The following ARHGAP42 variants were observed in gnomAD, a reference collection of about 807,000 sequenced individuals.
ARHGAP42 encodes Rho GTPase activating protein 42.
In ARHGAP42, 63 loss-of-function variants were observed where a neutral mutation model predicts 125.0. The observed-to-expected ratio is 0.50, with a 90% CI of 0.41 to 0.62. ARHGAP42 has a LOEUF of 0.62. Ranked by LOEUF, ARHGAP42 falls within the 20% of genes least tolerant of loss-of-function variation. The probability of loss-of-function intolerance (pLI) is 0.00; values close to 1 mark genes in which losing one functional copy is unlikely to be tolerated. For missense variants in ARHGAP42, 766 were observed against 1,024.2 expected (o/e 0.75, Z 3.44); for synonymous variants, 339 against 351.0 (o/e 0.97, Z 0.38).
chr11:100,974,431 G>A, intron 18 of ARHGAP42, 28 bp from the exon 19 acceptor site: 6 of 1,543,232 alleles, frequency 3.9e-6, no homozygotes, highest in Non-Finnish European at 5.2e-6. Flanking sequence ...CCCTTTTATT[G>A]ACCTTGGTCC....
intron 4 of ARHGAP42, among the ~76,000 whole-genome samples, chr11:100,872,602 A>C (rs1260455553): frequency 6.6e-6 from 1 of 152,126 alleles, no homozygotes; most frequent in Non-Finnish European, 1.5e-5. Flanking sequence ...CATGTTGGCC[A>C]GGCTGGTCTG....
chr11:100,968,037 T>C (rs2135309264), intron 17 of ARHGAP42, among the ~76,000 whole-genome samples: 1 of 152,310 alleles, frequency 6.6e-6, no homozygotes, highest in East Asian at 1.9e-4. Flanking sequence ...GATCCTTTTG[T>C]CATTATATTT....
rs777551663 is a variant in ARHGAP42 at position 100,992,443 on chromosome 11, A to G, written c.*3642A>G. On this transcript the variant is annotated 3_prime_UTR_variant, in exon 24 of 24. Coordinates refer to ENST00000298815, the MANE Select transcript of ARHGAP42 (RefSeq NM_152432.4). Reference sequence around the variant, plus strand: ...GTTTCCCCTTAGGGTACACATTGCTATTTAACTTTGCCTCCTACCCTTTTT... The same window carrying G: ...GTTTCCCCTTAGGGTACACATTGCTGTTTAACTTTGCCTCCTACCCTTTTT... 3 of 1,613,966 alleles carry G rather than the reference A, an allele frequency of 1.9e-6. No homozygotes were observed. In the South Asian group the frequency reaches 3.3e-5, roughly 18 times the overall value.
At chr11:100,830,576 G>A (rs1010014819) in intron 3 of ARHGAP42, among the ~76,000 whole-genome samples, 41 of 152,268 alleles carry the variant, frequency 2.7e-4, no homozygotes, top group African/African-American at 8.7e-4. Context: ...AGATCCTCAG[G>A]TGTTTCTTGT....
In ARHGAP42 at chr11:100,943,846, T is replaced by C; in HGVS notation, c.1021T>C (p.Phe341Leu). The C allele has an allele frequency of 6.5e-7, 1 of 1,548,370 alleles. No homozygotes were observed. The highest frequency in any genetic ancestry group is 8.7e-7 in the Non-Finnish European group (1 of 1,144,734). Residue 341 changes from phenylalanine (F) to leucine (L), a missense_variant, in exon 10 of 24, where the codon TTT becomes CTT. Coordinates refer to ENST00000298815, the MANE Select transcript of ARHGAP42 (RefSeq NM_152432.4). ...AGATTCAATTGACAAACGATTCTGC[T>C]TTGACATAGAAGTAGTTGAAAGGTT... ...KTDSIDKRFC[F>L]DIEVVERHGI...
chr11:100,709,344 T>G (rs1174328412), intron 1 of ARHGAP42, among the ~76,000 whole-genome samples: 1 of 152,202 alleles, frequency 6.6e-6, no homozygotes, highest in Non-Finnish European at 1.5e-5. Context: ...CCCTGTACTA[T>G]ACTCAGCTTT....
At chr11:100,811,605 T>A (rs1864144775) in intron 3 of ARHGAP42, among the ~76,000 whole-genome samples, 1 of 151,916 alleles carries the variant, frequency 6.6e-6, no homozygotes, top group South Asian at 2.1e-4. Context: ...GCTCAAGTGA[T>A]TCTTCTGCCT....
chr11:100,818,621 T>G (rs1438341860), intron 3 of ARHGAP42, among the ~76,000 whole-genome samples: 1 of 152,034 alleles, frequency 6.6e-6, no homozygotes, highest in South Asian at 2.1e-4. Context: ...GGAGTGAATA[T>G]TGGAGAATAT....
intron 2 of ARHGAP42, among the ~76,000 whole-genome samples, chr11:100,773,279 CTT>C (rs999768998): frequency 1.3e-5 from 2 of 152,044 alleles, no homozygotes; most frequent in African/African-American, 2.4e-5. Flanking sequence ...CATAATTTTC[CTT>C]ATAAACTTTA....
chr11:100,843,224 G>A (rs949489551), intron 3 of ARHGAP42, among the ~76,000 whole-genome samples: 13 of 151,936 alleles, frequency 8.6e-5, no homozygotes, highest in Non-Finnish European at 1.6e-4. Flanking sequence ...AGAGGAAATG[G>A]ATAAATACCT....
intron 4 of ARHGAP42, among the ~76,000 whole-genome samples, chr11:100,884,080 A>G (rs1242311192): frequency 6.6e-6 from 1 of 152,126 alleles, no homozygotes; most frequent in Non-Finnish European, 1.5e-5. Flanking sequence ...TCCCCCACTC[A>G]TTCTTTTCAT....
intron 1 of ARHGAP42, among the ~76,000 whole-genome samples, chr11:100,724,140 T>A (rs1421666285): frequency 5.3e-5 from 8 of 152,200 alleles, no homozygotes; most frequent in Admixed American, 5.2e-4. Flanking sequence ...GATTTTAGAA[T>A]GTTCTGTCAG....
intron 1 of ARHGAP42, among the ~76,000 whole-genome samples, chr11:100,748,396 T>A (rs1163217676): frequency 6.6e-6 from 1 of 152,162 alleles, no homozygotes. Context: ...CTGAAGGGAG[T>A]TCCTCGTAGG....
At chr11:100,828,561 T>C (rs2135089531) in intron 3 of ARHGAP42, among the ~76,000 whole-genome samples, 1 of 152,230 alleles carries the variant, frequency 6.6e-6, no homozygotes, top group East Asian at 1.9e-4. Flanking sequence ...CCATTATAAA[T>C]AGGCATGCAT....
intron 5 of ARHGAP42, among the ~76,000 whole-genome samples, chr11:100,916,067 TGA>T (rs1867054422): frequency 6.6e-6 from 1 of 152,178 alleles, no homozygotes; most frequent in Admixed American, 6.5e-5. Context: ...ATTTTGTTCA[TGA>T]AAAATAAGTG....
At chr11:100,898,861 T>A (rs1363203212) in intron 4 of ARHGAP42, among the ~76,000 whole-genome samples, 1 of 152,178 alleles carries the variant, frequency 6.6e-6, no homozygotes, top group East Asian at 1.9e-4. Context: ...GCTCTGATCT[T>A]AGTTATTTCT....
intron 1 of ARHGAP42, among the ~76,000 whole-genome samples, chr11:100,733,304 A>T (rs1861992958): frequency 6.6e-6 from 1 of 152,260 alleles, no homozygotes; most frequent in Non-Finnish European, 1.5e-5. Flanking sequence ...GGCCCTTGGC[A>T]AAATGCTTAG....
intron 12 of ARHGAP42, among the ~76,000 whole-genome samples, chr11:100,952,261 A>C (rs978978607): frequency 6.6e-6 from 1 of 152,228 alleles, no homozygotes; most frequent in South Asian, 2.1e-4. Context: ...TAATTAGTAA[A>C]GTTTCCTTAA....
chr11:100,717,331 T>A (rs2120257924), intron 1 of ARHGAP42, among the ~76,000 whole-genome samples: 1 of 151,932 alleles, frequency 6.6e-6, no homozygotes, highest in East Asian at 1.9e-4. Flanking sequence ...AGAAAAAAAA[T>A]TGAGTAAAAA....
Sources: allele counts gnomAD v4.1 joint callset (sites outside exome capture counted in the v4.1 genomes callset), GRCh38; gene constraint gnomAD v4.1.1; transcripts MANE v1.5; gene names NCBI Gene and HGNC (gene_info 2026-07-23, HGNC 2026-07-21).